Variants in DACH2 observed in about 807,000 individuals in gnomAD.
DACH2 encodes dachshund homolog 2.
In DACH2, 17 loss-of-function variants were observed where a neutral mutation model predicts 35.8. That is an observed-to-expected ratio of 0.48 (90% CI 0.33 to 0.71). DACH2 has a LOEUF of 0.71. DACH2 is among the 30% of genes least tolerant of loss of function. The pLI, the probability that DACH2 is intolerant of heterozygous loss-of-function variation, is 0.02. For missense variants in DACH2, 469 were observed against 472.7 expected (o/e 0.99, Z 0.07); for synonymous variants, 195 against 177.3 (o/e 1.10, Z -0.79).
At chrX:86,699,389 A>G (rs941946790) in intron 5 of DACH2, among the ~76,000 whole-genome samples, 2 of 112,039 alleles carry the variant, frequency 1.8e-5, no homozygotes, top group African/African-American at 3.2e-5. Context: ...ACACTTCCAC[A>G]TGGTTAAAGA....
intron 1 of DACH2, among the ~76,000 whole-genome samples, chrX:86,286,372 C>A (rs1417977019): frequency 9.1e-6 from 1 of 110,439 alleles, no homozygotes; most frequent in Non-Finnish European, 1.9e-5. Context: ...CCTCATGATC[C>A]ACCCGCCTCA....
chrX:86,606,064 G>T (rs1043446859), intron 3 of DACH2, among the ~76,000 whole-genome samples: 3 of 110,156 alleles, frequency 2.7e-5, no homozygotes, highest in Admixed American at 9.7e-5. Flanking sequence ...TTGTTTCTTG[G>T]CAATGGTTTG....
chrX:86,289,871 A>G (rs1485049122), intron 1 of DACH2, among the ~76,000 whole-genome samples: 21 of 109,104 alleles, frequency 1.9e-4, no homozygotes, highest in African/African-American at 5.7e-4. Flanking sequence ...GAATAATGCC[A>G]CAATAAACAT....
chrX:86,254,807 T>TATATATATAGAGAGAG (rs1380613474), intron 1 of DACH2, among the ~76,000 whole-genome samples: 14 of 49,646 alleles, frequency 2.8e-4, no homozygotes, highest in African/African-American at 1.2e-3. Flanking sequence ...TATATATATA[T>TATATATATAGAGAGAG]AGAGAGAGAG....
intron 2 of DACH2, among the ~76,000 whole-genome samples, chrX:86,439,884 G>GT (rs2037131865): frequency 9.0e-6 from 1 of 111,065 alleles, no homozygotes; most frequent in Non-Finnish European, 1.9e-5. Context: ...TGACCCTTGT[G>GT]TTATTTAGAA....
At chrX:86,457,785 G>A (rs1370054725) in intron 2 of DACH2, among the ~76,000 whole-genome samples, 2 of 112,043 alleles carry the variant, frequency 1.8e-5, no homozygotes, top group Non-Finnish European at 3.8e-5. Flanking sequence ...AACTTGAGTA[G>A]ATGCGTGGGC....
At chrX:86,210,244 C>T (rs1009998155) in intron 1 of DACH2, among the ~76,000 whole-genome samples, 1 of 111,393 alleles carries the variant, frequency 9.0e-6, no homozygotes, top group African/African-American at 3.3e-5. Flanking sequence ...TCATTTGTTA[C>T]CATTAAAAAT....
chrX:86,615,932 C>G (rs963222404), intron 3 of DACH2, among the ~76,000 whole-genome samples: 16 of 110,720 alleles, frequency 1.4e-4, no homozygotes, highest in Admixed American at 3.9e-4. Context: ...CTCCCACACT[C>G]TACCCTCAAC....
chrX:86,650,966 C>G (rs1335661161), intron 3 of DACH2, 70 bp from the exon 4 acceptor site: 1 of 996,878 alleles, frequency 1.0e-6, no homozygotes, highest in Non-Finnish European at 1.3e-6. Context: ...ACTTGTACCC[C>G]CAAATCTAAA....
At chrX:86,532,715 G>A (rs1351599557) in intron 3 of DACH2, among the ~76,000 whole-genome samples, 1 of 111,133 alleles carries the variant, frequency 9.0e-6, no homozygotes, top group Non-Finnish European at 1.9e-5. Context: ...TACTTATTGA[G>A]ATAATAAATT....
intron 2 of DACH2, among the ~76,000 whole-genome samples, chrX:86,405,408 C>T (rs190826497): frequency 3.1e-3 from 341 of 111,411 alleles, no homozygotes; most frequent in Middle Eastern, 9.3e-3. Flanking sequence ...GAGTAAAATA[C>T]GGCCAGTCTC....
At chrX:86,476,536 CT>C (rs770545613) in intron 2 of DACH2, among the ~76,000 whole-genome samples, 2 of 110,736 alleles carry the variant, frequency 1.8e-5, no homozygotes, top group Admixed American at 9.6e-5. Context: ...GATCTTGTCT[CT>C]TTTTTTTGTT....
chrX:86,402,143 C>A (rs775056314), intron 2 of DACH2, among the ~76,000 whole-genome samples: 1 of 111,578 alleles, frequency 9.0e-6, no homozygotes, highest in Non-Finnish European at 1.9e-5. Context: ...GATGCCCACT[C>A]TCATTACTTC....
chrX:86,199,671 A>G (rs1450926373), intron 1 of DACH2, among the ~76,000 whole-genome samples: 11 of 111,962 alleles, frequency 9.8e-5, no homozygotes, highest in Non-Finnish European at 7.5e-5. Context: ...ATTGCCAGAA[A>G]ATGAATAAAA....
rs763902753 is a variant in DACH2, at chrX:86,738,794, G to T, written c.1105-953G>T. On this transcript the variant is annotated intron_variant, in intron 6 of 11. Transcript: ENST00000373125. Reference sequence around the variant, plus strand: ...TTATTGAAAACTACAAAAATATATGGAATAGTAGAAGAATTGACCTTGATA... The same window carrying T: ...TTATTGAAAACTACAAAAATATATGTAATAGTAGAAGAATTGACCTTGATA... 2.7e-5 allele frequency among the ~76,000 whole-genome samples: 3 copies of T among 111,051 alleles called. No homozygotes were observed. In the South Asian group the frequency reaches 1.1e-3, roughly 42 times the overall value.
chrX:86,413,439 A>T (rs1031895855), intron 2 of DACH2, among the ~76,000 whole-genome samples: 1 of 111,802 alleles, frequency 8.9e-6, no homozygotes, highest in African/African-American at 3.3e-5. Context: ...TACTCAAGCA[A>T]TGAAACCACA....
At chrX:86,565,359 G>A (rs1026127521) in intron 3 of DACH2, among the ~76,000 whole-genome samples, 1 of 111,201 alleles carries the variant, frequency 9.0e-6, no homozygotes, top group African/African-American at 3.3e-5. Flanking sequence ...TACTAGACTA[G>A]TGGCTCTCAA....
intron 1 of DACH2, among the ~76,000 whole-genome samples, chrX:86,272,356 A>G (rs1281374688): frequency 9.0e-6 from 1 of 111,274 alleles, no homozygotes; most frequent in African/African-American, 3.3e-5. Context: ...AACAATGTCA[A>G]GATGACAAAA....
At chrX:86,307,101 C>T (rs1248619146) in intron 1 of DACH2, among the ~76,000 whole-genome samples, 2 of 111,553 alleles carry the variant, frequency 1.8e-5, no homozygotes, top group African/African-American at 6.5e-5. Flanking sequence ...TATCATTGGC[C>T]ATATATGGAG....
Sources: gnomAD v4.1 joint callset for allele counts (sites outside exome capture counted in the v4.1 genomes callset) on GRCh38, gnomAD v4.1.1 for gene constraint, MANE v1.5 for transcripts, NCBI Gene and HGNC (gene_info 2026-07-23, HGNC 2026-07-21) for gene names.